The following ABL1 variants were observed in gnomAD, a reference collection of about 807,000 sequenced individuals.
The protein encoded by ABL1 is ABL proto-oncogene 1, non-receptor tyrosine kinase.
In ABL1, 11 loss-of-function variants were observed where a neutral mutation model predicts 94.7. That is an observed-to-expected ratio of 0.12 (90% confidence interval 0.07 to 0.19). The LOEUF (loss-of-function observed/expected upper bound fraction) is 0.19, where lower values mean the gene tolerates loss of function less well. Among genes scored for constraint, ABL1 ranks in the 10% least tolerant of loss-of-function variants. The pLI, the probability that ABL1 is intolerant of heterozygous loss-of-function variation, is 1.00. For missense variants in ABL1, 1,082 were observed against 1,489.4 expected (o/e 0.73, Z 4.50); for synonymous variants, 656 against 622.4 (o/e 1.05, Z -0.80).
At chr9:130,811,012 G>A (rs1416809577) in intron 1 of ABL1, among the ~76,000 whole-genome samples, 1 of 151,864 alleles carries the variant, frequency 6.6e-6, no homozygotes, top group Admixed American at 6.6e-5. Flanking sequence ...TACATTTAAA[G>A]CAAAGAAAGA....
chr9:130,764,657 TAAG>T (rs1832157764), intron 1 of ABL1, among the ~76,000 whole-genome samples: 1 of 152,064 alleles, frequency 6.6e-6, no homozygotes, highest in Non-Finnish European at 1.5e-5. Flanking sequence ...TAATGTCACT[TAAG>T]AGGAGGCAAG....
At chr9:130,717,244 T>TGTTA (rs1184042079) in intron 1 of ABL1, among the ~76,000 whole-genome samples, 2 of 152,074 alleles carry the variant, frequency 1.3e-5, no homozygotes, top group Non-Finnish European at 2.9e-5. Context: ...AGTTTCACCA[T>TGTTA]GTTAGCCAGG....
rs144993113 is a variant in ABL1 at position 130,724,077 on chromosome 9, T to G, written c.136+9622T>G. 9.2e-4 allele frequency among the ~76,000 whole-genome samples: 140 copies of G among 152,284 alleles called. 1 individual carries two copies. The highest frequency in any genetic ancestry group is 2.9e-3 in the African/African-American group (119 of 41,574). On this transcript the variant is annotated intron_variant, in intron 1 of 10. Coordinates refer to the ABL1 transcript ENST00000372348. ...CACCTGCCTTGGCCTTCCAAAGTGCTGGGATTACAGGCGTGAGCCACCATG... is the reference window on the plus strand; with the variant it reads ...CACCTGCCTTGGCCTTCCAAAGTGCGGGGATTACAGGCGTGAGCCACCATG...
At chr9:130,850,695 C>T (rs903579033) in intron 1 of ABL1, among the ~76,000 whole-genome samples, 1 of 151,726 alleles carries the variant, frequency 6.6e-6, no homozygotes, top group Admixed American at 6.6e-5. Flanking sequence ...TTAGTAGAGA[C>T]GGGGTTTCGC....
intron 1 of ABL1, among the ~76,000 whole-genome samples, chr9:130,723,685 A>G (rs1185462436): frequency 6.6e-6 from 1 of 151,814 alleles, no homozygotes; most frequent in East Asian, 1.9e-4. Flanking sequence ...TGCCCTTGTA[A>G]CTCTTCTGCA....
intron 6 of ABL1, among the ~76,000 whole-genome samples, chr9:130,874,506 A>G (rs1424882590): frequency 6.6e-6 from 1 of 152,244 alleles, no homozygotes; most frequent in African/African-American, 2.4e-5. Flanking sequence ...TATTCTCGAC[A>G]CTTCAATCAA....
intron 1 of ABL1, among the ~76,000 whole-genome samples, chr9:130,731,770 T>C (rs1224450194): frequency 6.6e-6 from 1 of 152,208 alleles, no homozygotes; most frequent in African/African-American, 2.4e-5. Context: ...GAGTGGGTTT[T>C]ATCAGCTTCC....
intron 1 of ABL1, among the ~76,000 whole-genome samples, chr9:130,846,083 GTGTGTGTGTGTGTGTGTGTGTGTGTGCT>G (rs1046216171): frequency 3.1e-4 from 27 of 86,216 alleles, no homozygotes; most frequent in African/African-American, 2.0e-3. Context: ...ACGTATGTCT[GTGTGTGTGTGTGTGTGTGTGTGTGTGCT>G]TGTGTGTGTG....
At chr9:130,882,984 T>G (rs954573812) in intron 10 of ABL1, among the ~76,000 whole-genome samples, 1 of 150,818 alleles carries the variant, frequency 6.6e-6, no homozygotes, top group Non-Finnish European at 1.5e-5. Flanking sequence ...TGGCACAAGC[T>G]GGGGGCTGCC....
intron 1 of ABL1, among the ~76,000 whole-genome samples, chr9:130,753,211 C>T (rs573492473): frequency 2.0e-5 from 3 of 151,642 alleles, no homozygotes; most frequent in South Asian, 2.1e-4. Context: ...GAGCCAAGAT[C>T]GCGCCACTGC....
At chr9:130,740,819 A>ATTTTTTTTTT (rs34323373) in intron 1 of ABL1, among the ~76,000 whole-genome samples, 12 of 97,812 alleles carry the variant, frequency 1.2e-4, no homozygotes, top group Non-Finnish European at 1.3e-4. Context: ...CCACACCCAG[A>ATTTTTTTTTT]TTTTTTTTTT....
intron 1 of ABL1, among the ~76,000 whole-genome samples, chr9:130,760,993 G>C (rs1347870638): frequency 7.4e-6 from 1 of 134,576 alleles, no homozygotes; most frequent in Admixed American, 8.2e-5. Context: ...TTTCGCCCAG[G>C]CTGGAGTGCA....
chr9:130,862,645 G>T lies in ABL1; in HGVS notation c.550-118G>T, dbSNP rs1309862755. On this transcript the variant is annotated intron_variant, in intron 3 of 10. Coordinates refer to ENST00000318560, the MANE Select transcript of ABL1 (RefSeq NM_005157.6). This position sits in a 1 kb window ranked among gnomAD's most constrained non-coding sequence, Gnocchi z 5.5. ...TTCTAAACACTCTGTCCTGTGTGGA[G>T]AGCTCCTTATGTGAGATTTTGCTGT... The T allele has an allele frequency of 2.7e-6, 3 of 1,113,058 alleles. No homozygotes were observed. The highest frequency in any genetic ancestry group is 3.1e-5 in the African/African-American group (2 of 63,648). The allele number at this position is 1,113,058 out of a possible 1,614,324, so 68.9% of individuals were successfully genotyped here.
At chr9:130,754,586 A>G (rs1299512321) in intron 1 of ABL1, among the ~76,000 whole-genome samples, 2 of 151,992 alleles carry the variant, frequency 1.3e-5, no homozygotes, top group Non-Finnish European at 2.9e-5. Flanking sequence ...GGAAGGCACA[A>G]TTAGGAGCTG....
chr9:130,871,580 G>A (rs1831252092), intron 4 of ABL1, among the ~76,000 whole-genome samples: 1 of 152,230 alleles, frequency 6.6e-6, no homozygotes, highest in South Asian at 2.1e-4. Context: ...CCACGACCAC[G>A]TGCCAGAATA....
intron 1 of ABL1, among the ~76,000 whole-genome samples, chr9:130,756,433 C>T (rs1371893511): frequency 6.6e-6 from 1 of 151,850 alleles, no homozygotes; most frequent in African/African-American, 2.4e-5. Flanking sequence ...TTCAGTGGGT[C>T]ACTTAATTCT....
At chr9:130,757,361 G>T (rs1292707363) in intron 1 of ABL1, among the ~76,000 whole-genome samples, 2 of 152,024 alleles carry the variant, frequency 1.3e-5, no homozygotes, top group Non-Finnish European at 2.9e-5. Context: ...AGGAGTTCAA[G>T]ACCAGCCTGA....
At chr9:130,854,698 A>T in intron 2 of ABL1, 103 bp from the exon 3 acceptor site, 1 of 1,196,186 alleles carries the variant, frequency 8.4e-7, no homozygotes, top group Non-Finnish European at 1.2e-6. Flanking sequence ...TGAAATTGGT[A>T]TTTAGGAATT....
At chr9:130,730,562 A>AT (rs949756932) in intron 1 of ABL1, among the ~76,000 whole-genome samples, 1 of 150,286 alleles carries the variant, frequency 6.7e-6, no homozygotes, top group Non-Finnish European at 1.5e-5. Flanking sequence ...AGTTATTTAT[A>AT]TTTTTTTTCC....
Sources: allele counts gnomAD v4.1 joint callset (sites outside exome capture counted in the v4.1 genomes callset), GRCh38; gene constraint gnomAD v4.1.1; non-coding constraint Gnocchi (gnomAD v3.1); transcripts MANE v1.5; gene names NCBI Gene and HGNC (gene_info 2026-07-23, HGNC 2026-07-21).